ERC1: variants seen among roughly 807,000 people sequenced by gnomAD.
The protein encoded by ERC1 is RAB6 interacting protein 2.
ERC1 carries 56 observed loss-of-function variants against 132.0 expected under a neutral mutation model. The ratio of observed to expected loss-of-function variants is 0.42; its 90% CI spans 0.34 to 0.53. The LOEUF is 0.53. ERC1 is among the 20% of genes least tolerant of loss of function. The pLI, the probability that ERC1 is intolerant of heterozygous loss-of-function variation, is 0.03. For synonymous variants in ERC1, 478 were observed against 476.1 expected, an observed-to-expected ratio of 1.00 and a Z score of -0.05; for missense variants, 1,202 against 1,349.9, an observed-to-expected ratio of 0.89 and a Z score of 1.72.
intron 3 of ERC1, among the ~76,000 whole-genome samples, chr12:1,097,648 C>CT (rs1944207105): frequency 6.6e-6 from 1 of 152,002 alleles, no homozygotes; most frequent in African/African-American, 2.4e-5. Flanking sequence ...CAAGGGGACC[C>CT]TTGTCAGGTT....
At chr12:1,008,617 A>C (rs1028807155) in intron 1 of ERC1, among the ~76,000 whole-genome samples, 1 of 152,126 alleles carries the variant, frequency 6.6e-6, no homozygotes, top group Admixed American at 6.6e-5. Flanking sequence ...TCAATTGTAT[A>C]CTTTCATAGT....
intron 2 of ERC1, among the ~76,000 whole-genome samples, chr12:1,065,792 G>A (rs1939065692): frequency 6.6e-6 from 1 of 152,074 alleles, no homozygotes; most frequent in Non-Finnish European, 1.5e-5. Flanking sequence ...GTATTGGCTG[G>A]ATAACGTGCT....
rs1407839634 is a variant in ERC1 at position 1,492,988 on chromosome 12, T to C, written c.*2758T>C. The C allele has an allele frequency of 4.4e-6, 1 of 225,906 alleles. No individual in the cohort carries two copies. The highest frequency in any genetic ancestry group is 8.8e-6 in the Non-Finnish European group (1 of 113,590). 14.0% of individuals were successfully genotyped at this position (225,906 alleles called of 1,614,324 possible). ...CCTTAATTTTCCCCAAACCCCTCCA[T>C]CGGCAAGTCTAGTTGCCCTTTAGCA... On this transcript the variant is annotated 3_prime_UTR_variant, in exon 19 of 19. Transcript: ENST00000360905.
intron 14 of ERC1, among the ~76,000 whole-genome samples, chr12:1,285,678 G>A (rs2078995384): frequency 6.6e-6 from 1 of 152,078 alleles, no homozygotes; most frequent in African/African-American, 2.4e-5. Flanking sequence ...CAAATTTCAA[G>A]CCCAGAGATT....
chr12:1,436,203 C>T (rs1321846476), intron 17 of ERC1, among the ~76,000 whole-genome samples: 1 of 152,098 alleles, frequency 6.6e-6, no homozygotes, highest in African/African-American at 2.4e-5. Context: ...CCCTCTTATC[C>T]TGACCTTGAA....
intron 15 of ERC1, among the ~76,000 whole-genome samples, chr12:1,322,562 AT>A (rs1021084613): frequency 6.6e-6 from 1 of 152,196 alleles, no homozygotes; most frequent in Non-Finnish European, 1.5e-5. Context: ...AGAAGTAAAC[AT>A]TTATTACACA....
chr12:1,092,079 A>G lies in ERC1; in HGVS notation c.1086+8499A>G, dbSNP rs936648967. ...AATGGTGCGATCTCGGCTCACTGCA[A>G]CCTGCGCCCCCTGGGTTCAAGCGAT... On this transcript the variant is annotated intron_variant, in intron 3 of 18. Coordinates refer to ENST00000360905, the MANE Select transcript of ERC1 (RefSeq NM_178040.4). Among the ~76,000 whole-genome samples the G allele has an allele frequency of 7.3e-5, 11 of 150,810 alleles. No individual in the cohort carries two copies. In the East Asian group the frequency reaches 1.9e-3, roughly 26 times the overall value.
intron 7 of ERC1, among the ~76,000 whole-genome samples, chr12:1,119,523 G>A (rs1946830095): frequency 2.6e-4 from 1 of 3,776 alleles, no homozygotes; most frequent in Non-Finnish European, 9.5e-4. Flanking sequence ...GTGTGTGTGT[G>A]TGTGTGTGTG....
At chr12:1,272,116 G>A (rs907250984) in intron 14 of ERC1, among the ~76,000 whole-genome samples, 1 of 152,168 alleles carries the variant, frequency 6.6e-6, no homozygotes, top group Non-Finnish European at 1.5e-5. Context: ...TATGACCTTG[G>A]GCAAGTTACT....
chr12:1,070,327 G>C (rs893386396), intron 2 of ERC1, among the ~76,000 whole-genome samples: 2 of 151,230 alleles, frequency 1.3e-5, no homozygotes, highest in African/African-American at 4.9e-5. Context: ...TGGAGGCAGG[G>C]TCTCACTCTG....
chr12:1,141,612 A>C lies in ERC1; in HGVS notation c.1570-8A>C, dbSNP rs377247714. On this transcript the variant is annotated splice_region_variant and splice_polypyrimidine_tract_variant and intron_variant, in intron 7 of 18. Coordinates refer to ENST00000360905, the MANE Select transcript of ERC1 (RefSeq NM_178040.4). ...AATTCATCACTTGTAAAACTCCTAC[A>C]TTCTTAGGTGGATGCTCTCCGATTG... is the stretch of plus-strand genomic sequence containing the variant. The C allele has an allele frequency of 3.8e-6, 6 of 1,596,282 alleles. No individual in the cohort carries two copies. Among genetic ancestry groups the C allele is most frequent in the South Asian group, 2.3e-5 (2 of 87,338 alleles).
chr12:1,052,218 T>C lies in ERC1; in HGVS notation c.669+23646T>C, dbSNP rs540224427. 3.3e-5 allele frequency among the ~76,000 whole-genome samples: 5 copies of C among 152,352 alleles called. No individual in the cohort carries two copies. In the South Asian group the frequency reaches 8.3e-4, roughly 25 times the overall value. On this transcript the variant is annotated intron_variant, in intron 2 of 18. Transcript: ENST00000360905. ...TCCCAGGTGATGCTTCTGCTGCTGG[T>C]CAGGGAACAACACTTGAAACACTCA...
At chr12:1,217,107 GAAGTGAACAACATAA>G (rs1221973400) in intron 12 of ERC1, among the ~76,000 whole-genome samples, 1 of 152,160 alleles carries the variant, frequency 6.6e-6, no homozygotes, top group East Asian at 1.9e-4. Flanking sequence ...AAGAAATCCA[GAAGTGAACAACATAA>G]AAGTATTCCC....
Position 1,440,389 on chromosome 12 carries a change from G to T in ERC1, c.3025-4173G>T, listed in dbSNP as rs866354243. On this transcript the variant is annotated intron_variant, in intron 17 of 18. Transcript: ENST00000360905. Reference sequence around the variant, plus strand: ...CCGGCTAATTTTTTTTGTATTTTTAGTAGAGACGGGGTTTCACCGTGTTAG... The same window carrying T: ...CCGGCTAATTTTTTTTGTATTTTTATTAGAGACGGGGTTTCACCGTGTTAG... Among the ~76,000 whole-genome samples, 28 of 150,202 alleles carry T rather than the reference G, an allele frequency of 1.9e-4. No homozygotes were observed. The South Asian group carries it at 2.5e-3, about 13-fold the overall frequency.
intron 1 of ERC1, among the ~76,000 whole-genome samples, chr12:1,001,449 C>G (rs1193890868): frequency 6.6e-6 from 1 of 152,182 alleles, no homozygotes; most frequent in Non-Finnish European, 1.5e-5. Flanking sequence ...CTTGTATAAC[C>G]ATGATGTAGG....
intron 15 of ERC1, among the ~76,000 whole-genome samples, chr12:1,311,809 C>CT (rs1222903347): frequency 6.6e-6 from 1 of 152,086 alleles, no homozygotes; most frequent in South Asian, 2.1e-4. Context: ...CATGCTTTGT[C>CT]TTTTTTTCTA....
intron 2 of ERC1, among the ~76,000 whole-genome samples, chr12:1,058,099 G>T (rs913160193): frequency 1.4e-4 from 22 of 151,976 alleles, no homozygotes; most frequent in Non-Finnish European, 2.5e-4. Flanking sequence ...CTTCTCGGAT[G>T]CATAGTTTGC....
intron 7 of ERC1, among the ~76,000 whole-genome samples, chr12:1,140,444 C>T (rs187989900): frequency 5.9e-5 from 9 of 152,196 alleles, no homozygotes; most frequent in South Asian, 2.1e-4. Flanking sequence ...ATTCCTAATC[C>T]GAAAATCCAA....
chr12:1,119,566 TGTGA>T (rs1198824447), intron 7 of ERC1, among the ~76,000 whole-genome samples: 1,019 of 3,900 alleles, frequency 0.26, 81 homozygotes, highest in African/African-American at 0.39. Flanking sequence ...TGTGTGTGTG[TGTGA>T]GATGGAGTTT....
Sources: allele counts gnomAD v4.1 joint callset (sites outside exome capture counted in the v4.1 genomes callset), GRCh38; gene constraint gnomAD v4.1.1; transcripts MANE v1.5; gene names NCBI Gene and HGNC (gene_info 2026-07-23, HGNC 2026-07-21).